ZDHHC14: variants seen among roughly 807,000 people sequenced by gnomAD.
The protein encoded by ZDHHC14 is zDHHC palmitoyltransferase 14, also known as palmitoyltransferase ZDHHC14.
Under a neutral mutation model 47.7 loss-of-function variants are expected in ZDHHC14, and 16 were observed. That is an observed-to-expected ratio of 0.34 (90% CI 0.23 to 0.51). ZDHHC14 has a LOEUF of 0.51. Among genes scored for constraint, ZDHHC14 ranks in the 20% least tolerant of loss-of-function variants. The probability of loss-of-function intolerance (pLI) is 0.97; values close to 1 mark genes in which losing one functional copy is unlikely to be tolerated. For missense variants in ZDHHC14, 515 were observed against 662.5 expected, an observed-to-expected ratio of 0.78 and a Z score of 2.44; for synonymous variants, 293 against 278.9, an observed-to-expected ratio of 1.05 and a Z score of -0.50.
intron 1 of ZDHHC14, among the ~76,000 whole-genome samples, chr6:157,448,027 A>C (rs1202979730): frequency 6.6e-6 from 1 of 151,866 alleles, no homozygotes; most frequent in African/African-American, 2.4e-5. Context: ...CCGCACCACC[A>C]CACCTGGCTA....
intron 8 of ZDHHC14, among the ~76,000 whole-genome samples, chr6:157,655,743 A>G (rs973238326): frequency 2.0e-5 from 3 of 152,214 alleles, no homozygotes; most frequent in African/African-American, 7.2e-5. Context: ...GTGAGCAGAT[A>G]CATGAAGGAA....
intron 8 of ZDHHC14, among the ~76,000 whole-genome samples, chr6:157,670,208 A>T (rs1458705515): frequency 1.3e-5 from 2 of 152,232 alleles, no homozygotes; most frequent in Non-Finnish European, 2.9e-5. Flanking sequence ...GACAGCTTGG[A>T]GAAGCACCGC....
In ZDHHC14 at chr6:157,638,870, T is replaced by G. The variant is rs571005779; in HGVS notation, c.752+5988T>G. Among the ~76,000 whole-genome samples the G allele has an allele frequency of 1.2e-4, 18 of 152,132 alleles. No homozygotes were observed. In the East Asian group the frequency reaches 3.1e-3, roughly 26 times the overall value. ...GACCTCCGTGCAGGGCTGTGGGAGA[T>G]GGGTGGGTTCTAGTGGGGGACATGG... On this transcript the variant is annotated intron_variant, in intron 5 of 8. Transcript: ENST00000359775.
chr6:157,495,629 A>G (rs1780043711), intron 1 of ZDHHC14, among the ~76,000 whole-genome samples: 1 of 151,944 alleles, frequency 6.6e-6, no homozygotes, highest in African/African-American at 2.4e-5. Flanking sequence ...AGCAGCATTC[A>G]TAAAGGCAGA....
In ZDHHC14 at chr6:157,677,281, T is replaced by C. The variant is rs2115023204; in HGVS notation, c.*4159T>C. On this transcript the variant is annotated 3_prime_UTR_variant, in exon 9 of 9. Coordinates refer to ENST00000359775, the MANE Select transcript of ZDHHC14 (RefSeq NM_024630.3). Reference sequence around the variant, plus strand: ...AAAAAACTGCCTCTCATTTGTTCCCTTAAAACGTCTCTCTCTCTCATAAAA... The same window carrying C: ...AAAAAACTGCCTCTCATTTGTTCCCCTAAAACGTCTCTCTCTCTCATAAAA... The C allele has an allele frequency of 6.6e-6, 1 of 150,436 alleles. No individual in the cohort carries two copies. Among genetic ancestry groups the C allele is most frequent in the East Asian group, 1.9e-4 (1 of 5,132 alleles). 9.3% of individuals were successfully genotyped at this position (150,436 alleles called of 1,614,324 possible).
intron 8 of ZDHHC14, among the ~76,000 whole-genome samples, chr6:157,664,879 A>G (rs605363): frequency 0.31 from 45,840 of 150,122 alleles, 7,580 homozygotes; most frequent in Non-Finnish European, 0.39. Flanking sequence ...AACCTCCACT[A>G]GGACTTCTGG....
intron 1 of ZDHHC14, among the ~76,000 whole-genome samples, chr6:157,421,630 C>T (rs543036292): frequency 6.6e-6 from 1 of 151,190 alleles, no homozygotes; most frequent in South Asian, 2.1e-4. Context: ...TTTTTTGAGA[C>T]AGAGTCTTGC....
rs534989313 is a variant in ZDHHC14, at chr6:157,560,513, T to C, written c.406+17768T>C. Among the ~76,000 whole-genome samples, 16 of 152,358 alleles carry C rather than the reference T, an allele frequency of 1.1e-4. No individual in the cohort carries two copies. In the East Asian group the frequency reaches 2.1e-3, roughly 20 times the overall value. On this transcript the variant is annotated intron_variant, in intron 2 of 8. Transcript: ENST00000359775. ...TGCAAAATACAAAATTGGATGTACATTGGGATCTTAATATATATAGGAATT... is the reference window on the plus strand; with the variant it reads ...TGCAAAATACAAAATTGGATGTACACTGGGATCTTAATATATATAGGAATT...
intron 2 of ZDHHC14, among the ~76,000 whole-genome samples, chr6:157,546,062 C>T (rs964488131): frequency 3.3e-5 from 5 of 152,180 alleles, no homozygotes; most frequent in Admixed American, 6.5e-5. Flanking sequence ...GCTACCTAAG[C>T]GTGACAGGAA....
intron 2 of ZDHHC14, among the ~76,000 whole-genome samples, chr6:157,579,321 C>A (rs112716522): frequency 0.29 from 44,228 of 150,516 alleles, 8,441 homozygotes; most frequent in African/African-American, 0.55. Context: ...CCTCAGCCTC[C>A]GAAGCAGCTG....
intron 1 of ZDHHC14, among the ~76,000 whole-genome samples, chr6:157,421,764 C>A (rs189412226): frequency 6.6e-6 from 1 of 151,964 alleles, no homozygotes; most frequent in East Asian, 2.0e-4. Context: ...CCCACCATGA[C>A]GCCCGGCTAA....
At chr6:157,486,839 A>G (rs564747962) in intron 1 of ZDHHC14, among the ~76,000 whole-genome samples, 1 of 152,344 alleles carries the variant, frequency 6.6e-6, no homozygotes, top group East Asian at 1.9e-4. Flanking sequence ...GGAAGAAAAC[A>G]GAAGGAAGTG....
chr6:157,672,795 C>T lies in ZDHHC14; in HGVS notation c.1140C>T (p.Ser380=), dbSNP rs147327945. 4.6e-4 allele frequency: 749 copies of T among 1,612,690 alleles called. 2 individuals are homozygous for T. In the African/African-American group the frequency reaches 7.7e-3, roughly 17 times the overall value. Residue 380 remains serine (S), a synonymous_variant, in exon 9 of 9, where the codon AGC becomes AGT. Coordinates refer to ENST00000359775, the MANE Select transcript of ZDHHC14 (RefSeq NM_024630.3). ...LQAAATPLLQ[S]EPSLTSDELH... ...CTGCAGCCACGCCCCTGCTGCAGAGCGAGCCCAGCCTCACCAGCGACGAGC... is the reference window on the plus strand; with the variant it reads ...CTGCAGCCACGCCCCTGCTGCAGAGTGAGCCCAGCCTCACCAGCGACGAGC...
chr6:157,654,461 A>G (rs776357306), intron 8 of ZDHHC14, among the ~76,000 whole-genome samples: 11 of 152,172 alleles, frequency 7.2e-5, no homozygotes, highest in Non-Finnish European at 1.3e-4. Flanking sequence ...TGCTCTTTCT[A>G]TAGCTGAATC....
At chr6:157,604,991 A>G (rs1330332820) in intron 3 of ZDHHC14, among the ~76,000 whole-genome samples, 1 of 152,220 alleles carries the variant, frequency 6.6e-6, no homozygotes, top group Non-Finnish European at 1.5e-5. Flanking sequence ...CTTCCAAGAT[A>G]TTTGTGGCTG....
intron 3 of ZDHHC14, among the ~76,000 whole-genome samples, chr6:157,594,264 T>G (rs2114895100): frequency 6.6e-6 from 1 of 152,350 alleles, no homozygotes; most frequent in African/African-American, 2.4e-5. Context: ...AAAGCTCATG[T>G]TTTCTCTATC....
chr6:157,496,718 C>T (rs1780074718), intron 1 of ZDHHC14, among the ~76,000 whole-genome samples: 1 of 152,184 alleles, frequency 6.6e-6, no homozygotes, highest in Admixed American at 6.5e-5. Flanking sequence ...CATGGACCTG[C>T]CACCACCTTA....
intron 1 of ZDHHC14, among the ~76,000 whole-genome samples, chr6:157,416,372 G>T (rs980050563): frequency 1.1e-4 from 16 of 151,936 alleles, no homozygotes; most frequent in African/African-American, 3.9e-4. Context: ...CTTGATTTAA[G>T]AAATTATAGG....
chr6:157,519,040 A>G (rs1780812460), intron 1 of ZDHHC14, among the ~76,000 whole-genome samples: 1 of 152,198 alleles, frequency 6.6e-6, no homozygotes, highest in African/African-American at 2.4e-5. Flanking sequence ...CCTGTTGTCA[A>G]CACAGCGTTA....
Sources: gnomAD v4.1 joint callset for allele counts (sites outside exome capture counted in the v4.1 genomes callset) on GRCh38, gnomAD v4.1.1 for gene constraint, MANE v1.5 for transcripts, NCBI Gene and HGNC (gene_info 2026-07-23, HGNC 2026-07-21) for gene names.